The following XIRP2 variants were observed in gnomAD, a reference collection of about 807,000 sequenced individuals.
XIRP2 encodes xin actin-binding repeat-containing protein 2.
A neutral mutation model predicts 277.0 loss-of-function variants in XIRP2; 236 were observed. The observed-to-expected ratio is 0.85, with a 90% CI of 0.77 to 0.95. The LOEUF is 0.95. Ranked by LOEUF, XIRP2 falls within the 40% of genes least tolerant of loss-of-function variation. The pLI is 0.00. For synonymous variants in XIRP2, 1,490 were observed against 1,416.5 expected, an observed-to-expected ratio of 1.05 and a Z score of -1.17; for missense variants, 4,640 against 4,157.5, an observed-to-expected ratio of 1.12 and a Z score of -3.19.
intron 3 of XIRP2, among the ~76,000 whole-genome samples, chr2:167,141,608 T>C (rs570782740): frequency 1.3e-5 from 2 of 152,156 alleles, no homozygotes; most frequent in African/African-American, 4.8e-5. Context: ...TAAGTAAATA[T>C]TCTCAGTGCT....
At chr2:167,252,603 C>G (rs1307945122) in intron 9 of XIRP2, among the ~76,000 whole-genome samples, 3 of 151,802 alleles carry the variant, frequency 2.0e-5, no homozygotes, top group African/African-American at 4.8e-5. Context: ...TGAGCGTAAA[C>G]AATGCATTTA....
intron 2 of XIRP2, among the ~76,000 whole-genome samples, chr2:166,964,761 T>C (rs1333212678): frequency 1.3e-5 from 2 of 151,854 alleles, no homozygotes; most frequent in Non-Finnish European, 2.9e-5. Flanking sequence ...TGAACAATAT[T>C]TTTAAGTAAT....
In XIRP2 at chr2:167,017,077, T is replaced by G. The variant is rs117385754; in HGVS notation, c.408+113187T>G. ...CTCACAGCTGCCATAGTTCACGCCTTACACTGCACAGGTCTCCTTCACCAA... is the reference window on the plus strand; with the variant it reads ...CTCACAGCTGCCATAGTTCACGCCTGACACTGCACAGGTCTCCTTCACCAA... On this transcript the variant is annotated intron_variant, in intron 2 of 10. Coordinates refer to ENST00000409195, the MANE Select transcript of XIRP2 (RefSeq NM_152381.6). Among the ~76,000 whole-genome samples, 927 of 151,946 alleles carry G rather than the reference T, an allele frequency of 6.1e-3. 79 individuals carry two copies. The East Asian group carries it at 0.16, about 26-fold the overall frequency.
At chr2:167,071,206 C>T (rs1237445981) in intron 2 of XIRP2, among the ~76,000 whole-genome samples, 1 of 152,060 alleles carries the variant, frequency 6.6e-6, no homozygotes, top group Non-Finnish European at 1.5e-5. Flanking sequence ...ATAGTGTGAA[C>T]ATATGTGACA....
intron 4 of XIRP2, among the ~76,000 whole-genome samples, chr2:167,212,393 G>A (rs1694074148): frequency 6.6e-6 from 1 of 152,146 alleles, no homozygotes; most frequent in African/African-American, 2.4e-5. Context: ...CAGGTACTAA[G>A]AGAATACACA....
At chr2:167,016,499 C>T (rs974006735) in intron 2 of XIRP2, among the ~76,000 whole-genome samples, 4 of 151,922 alleles carry the variant, frequency 2.6e-5, no homozygotes, top group Non-Finnish European at 4.4e-5. Context: ...CCACAAATTG[C>T]GCTGCATCTC....
intron 2 of XIRP2, among the ~76,000 whole-genome samples, chr2:167,001,207 C>G (rs1687359316): frequency 6.6e-6 from 1 of 151,990 alleles, no homozygotes; most frequent in African/African-American, 2.4e-5. Context: ...ATAAATAACT[C>G]TAACACCAAG....
chr2:166,915,669 C>G (rs1485241480), intron 2 of XIRP2, among the ~76,000 whole-genome samples: 1 of 152,130 alleles, frequency 6.6e-6, no homozygotes, highest in Non-Finnish European at 1.5e-5. Context: ...ATTAATTAAT[C>G]TATTAATCTA....
chr2:167,103,731 A>G (rs1690544720), intron 2 of XIRP2, among the ~76,000 whole-genome samples: 1 of 152,164 alleles, frequency 6.6e-6, no homozygotes, highest in Non-Finnish European at 1.5e-5. Flanking sequence ...GTCAGAAAAC[A>G]CTTTTGCTAA....
At chr2:167,163,902 A>G (rs1485738525) in intron 3 of XIRP2, among the ~76,000 whole-genome samples, 1 of 152,202 alleles carries the variant, frequency 6.6e-6, no homozygotes, top group Non-Finnish European at 1.5e-5. Flanking sequence ...ATTTTTTGAA[A>G]GGACTTTTTC....
intron 2 of XIRP2, among the ~76,000 whole-genome samples, chr2:167,098,083 G>C (rs1438503110): frequency 2.0e-5 from 3 of 152,138 alleles, no homozygotes; most frequent in African/African-American, 7.2e-5. Context: ...TTCTGAATTT[G>C]AATGTTGGCC....
chr2:167,243,704 G>A lies in XIRP2; in HGVS notation c.2312G>A (p.Arg771Gln), dbSNP rs748922110. Residue 771 changes from arginine to glutamine, a missense_variant, in exon 9 of 11, where the codon CGG becomes CAG. Transcript: ENST00000409195. Reference sequence around the variant, plus strand: ...GAAAAGGGAGATGTAAGAACAGCACGGTGGATGTTTGAAACACAGCCGTTG... The same window carrying A: ...GAAAAGGGAGATGTAAGAACAGCACAGTGGATGTTTGAAACACAGCCGTTG... Reference protein sequence around the residue: ...DVEKGDVRTARWMFETQPLDT... With the variant: ...DVEKGDVRTAQWMFETQPLDT... 31 of 1,613,944 alleles carry A rather than the reference G, an allele frequency of 1.9e-5. No homozygotes were observed. The highest frequency in any genetic ancestry group is 3.3e-4 in the Middle Eastern group (2 of 6,084).
In XIRP2 at chr2:167,108,726, A is replaced by G. The variant is rs894166294; in HGVS notation, c.409-27183A>G. 2.0e-5 allele frequency among the ~76,000 whole-genome samples: 3 copies of G among 152,018 alleles called. 1 individual carries two copies. Among genetic ancestry groups the G allele is most frequent in the Admixed American group, 2.0e-4 (3 of 15,244 alleles). On this transcript the variant is annotated intron_variant, in intron 2 of 10. Transcript: ENST00000409195. Reference sequence around the variant, plus strand: ...ACTGCTTATCCAACACTATACTTACATTTGAGTAAATGTACACTCTTTAAA... The same window carrying G: ...ACTGCTTATCCAACACTATACTTACGTTTGAGTAAATGTACACTCTTTAAA...
chr2:167,149,469 C>T (rs1691951304), intron 3 of XIRP2, among the ~76,000 whole-genome samples: 1 of 152,086 alleles, frequency 6.6e-6, no homozygotes, highest in African/African-American at 2.4e-5. Flanking sequence ...TGAAAGTGAA[C>T]TCTGCATACT....
chr2:167,017,175 C>A (rs1687848767), intron 2 of XIRP2, among the ~76,000 whole-genome samples: 1 of 151,960 alleles, frequency 6.6e-6, no homozygotes, highest in South Asian at 2.1e-4. Flanking sequence ...GAAGGTGAGT[C>A]AGACAAACTA....
At chr2:167,106,191 A>G (rs563468116) in intron 2 of XIRP2, among the ~76,000 whole-genome samples, 3 of 151,866 alleles carry the variant, frequency 2.0e-5, no homozygotes, top group South Asian at 2.1e-4. Context: ...AGTCAAAAGT[A>G]TCAATGTTCA....
In XIRP2 at chr2:166,920,279, C is replaced by G. The variant is rs1685003040; in HGVS notation, c.408+16389C>G. Reference sequence around the variant, plus strand: ...TATGATGTGGAGAAGTTAATTTGCCCAAGAGTACACCATTGGTAAGTAATA... The same window carrying G: ...TATGATGTGGAGAAGTTAATTTGCCGAAGAGTACACCATTGGTAAGTAATA... On this transcript the variant is annotated intron_variant, in intron 2 of 10. Coordinates refer to ENST00000409195, the MANE Select transcript of XIRP2 (RefSeq NM_152381.6). Among the ~76,000 whole-genome samples, 6 of 152,144 alleles carry G rather than the reference C, an allele frequency of 3.9e-5. No homozygotes were observed. The South Asian group carries it at 1.2e-3, about 32-fold the overall frequency.
intron 2 of XIRP2, among the ~76,000 whole-genome samples, chr2:166,911,574 C>T (rs1186176731): frequency 6.6e-6 from 1 of 152,138 alleles, no homozygotes; most frequent in South Asian, 2.1e-4. Context: ...ATTTTCCAGT[C>T]TGTGTCTTTT....
chr2:167,072,124 G>C (rs930969072), intron 2 of XIRP2, among the ~76,000 whole-genome samples: 4 of 152,062 alleles, frequency 2.6e-5, no homozygotes, highest in Non-Finnish European at 4.4e-5. Context: ...GCCATATGAA[G>C]TTATATGTAT....
Sources: gnomAD v4.1 joint callset for allele counts (sites outside exome capture counted in the v4.1 genomes callset) on GRCh38, gnomAD v4.1.1 for gene constraint, MANE v1.5 for transcripts, NCBI Gene and HGNC (gene_info 2026-07-23, HGNC 2026-07-21) for gene names.